Variants in ITPA observed in about 807,000 individuals in gnomAD.
The protein encoded by ITPA is inosine triphosphate pyrophosphatase.
A neutral mutation model predicts 29.6 loss-of-function variants in ITPA; 29 were observed. That is an observed-to-expected ratio of 0.98 (90% CI 0.73 to 1.34). The LOEUF is 1.34. ITPA is among the 40% of genes most tolerant of loss of function. The pLI is 0.00. For synonymous variants in ITPA, 103 were observed against 99.3 expected, an observed-to-expected ratio of 1.04 and a Z score of -0.22; for missense variants, 241 against 251.5, an observed-to-expected ratio of 0.96 and a Z score of 0.28.
chr20:3,218,654 G>T (rs1449915130), intron 6 of ITPA, 22 bp downstream of exon 6: 1 of 1,578,932 alleles, frequency 6.3e-7, no homozygotes, highest in African/African-American at 1.3e-5. Flanking sequence ...CCTTGATGCA[G>T]TTCCCGCCGC....
At chr20:3,224,873 G>T (rs6051654), downstream of ITPA, among the ~76,000 whole-genome samples, 36 of 152,260 alleles carry the variant, frequency 2.4e-4, 1 homozygote, top group African/African-American at 8.7e-4. Flanking sequence ...ACACTTTCTG[G>T]CCATTTTTTT....
At chr20:3,218,381 C>T (rs2067365736) in intron 5 of ITPA, 136 bp from the exon 6 acceptor site, 3 of 716,164 alleles carry the variant, frequency 4.2e-6, no homozygotes, top group South Asian at 3.0e-5. Context: ...TGGGCTCTGC[C>T]GCCCCCGCTA....
At chr20:3,221,675 T>C in intron 6 of ITPA, 166 bp from the exon 7 acceptor site, 1 of 698,964 alleles carries the variant, frequency 1.4e-6, no homozygotes, top group Non-Finnish European at 2.6e-6. Flanking sequence ...TGCTTTTTAT[T>C]GTATTCAGCA....
chr20:3,219,746 CA>C (rs34376287), intron 6 of ITPA, among the ~76,000 whole-genome samples: 2,592 of 115,120 alleles, frequency 0.023, 35 homozygotes, highest in Non-Finnish European at 0.032. Flanking sequence ...ACTCCGTCTC[CA>C]AAAAAAAAAA....
chr20:3,225,386 G>A (rs950312881), downstream of ITPA, among the ~76,000 whole-genome samples: 12 of 152,226 alleles, frequency 7.9e-5, no homozygotes, highest in Admixed American at 2.6e-4. Flanking sequence ...TCCACCCCCC[G>A]CCACACCTCC....
intron 4 of ITPA, 81 bp downstream of exon 4, chr20:3,214,139 G>T: frequency 1.7e-6 from 2 of 1,173,270 alleles, no homozygotes; most frequent in Admixed American, 3.5e-5. Context: ...ACCTGATACT[G>T]CAGGTCATTC....
Position 3,218,502 on chromosome 20 carries a change from A to G in ITPA, c.296-15A>G, listed in dbSNP as rs376533833. 2 of 1,597,338 alleles carry G rather than the reference A, an allele frequency of 1.3e-6. No individual in the cohort carries two copies. The highest frequency in any genetic ancestry group is 1.7e-6 in the Non-Finnish European group (2 of 1,165,160). On this transcript the variant is annotated splice_polypyrimidine_tract_variant and intron_variant, in intron 5 of 7. Transcript: ENST00000380113. ...GCCATTAGGGATGCACTGAGCCCTCACTGCCCACCCGCAGGTCTCCACCAG... is the reference window on the plus strand; with the variant it reads ...GCCATTAGGGATGCACTGAGCCCTCGCTGCCCACCCGCAGGTCTCCACCAG...
chr20:3,204,444 C>G, upstream of ITPA: 5 of 1,333,748 alleles, frequency 3.7e-6, no homozygotes, highest in Non-Finnish European at 5.1e-6. Flanking sequence ...CGCCCAGGTG[C>G]GCACGCGCAG....
chr20:3,223,375 G>A lies in ITPA; in HGVS notation c.498G>A (p.Glu166=). Residue 166 remains glutamate, a synonymous_variant, in exon 8 of 8, where the codon GAG becomes GAA. Coordinates refer to ENST00000380113, the MANE Select transcript of ITPA (RefSeq NM_033453.4). ...TACTGTCACCCCTCAGGTACGCAGA[G>A]ATGCCTAAGGCGGAGAAGAACGCTG... ...QPDGYEQTYA[E]MPKAEKNAVS... The A allele has an allele frequency of 6.2e-7, 1 of 1,613,470 alleles. No homozygotes were observed. The highest frequency in any genetic ancestry group is 1.3e-5 in the African/African-American group (1 of 75,058).
chr20:3,208,818 G>A (rs1407008460), upstream of ITPA: 1 of 153,360 alleles, frequency 6.5e-6, no homozygotes, highest in African/African-American at 2.4e-5. Context: ...AGTCTCTGGA[G>A]GAGGGAGGTC....
At chr20:3,210,469 T>TG (rs1326096730) in intron 1 of ITPA, among the ~76,000 whole-genome samples, 2 of 151,814 alleles carry the variant, frequency 1.3e-5, no homozygotes, top group African/African-American at 4.8e-5. Context: ...AGCCATGGAG[T>TG]GGGGGTCATG....
intron 6 of ITPA, among the ~76,000 whole-genome samples, chr20:3,219,786 C>G (rs1424385161): frequency 6.6e-6 from 1 of 150,426 alleles, no homozygotes; most frequent in Non-Finnish European, 1.5e-5. Flanking sequence ...GAGGCTCACA[C>G]ATGTAATCCC....
rs1164738031 is a variant in ITPA, at chr20:3,209,502, C to G, written c.-50C>G. 1.9e-6 allele frequency: 3 copies of G among 1,560,370 alleles called. No individual in the cohort carries two copies. The highest frequency in any genetic ancestry group is 2.7e-6 in the Non-Finnish European group (3 of 1,132,012). On this transcript the variant is annotated 5_prime_UTR_variant, in exon 1 of 8. Coordinates refer to ENST00000380113, the MANE Select transcript of ITPA (RefSeq NM_033453.4). The surrounding 1 kb of genome is among the most constrained non-coding windows in gnomAD (Gnocchi z 4.6). ...GCCACCAGCCGGAAGTTTTCTGTCA[C>G]TGGACGCCAAGGAGTTTTCGGTGGC...
At chr20:3,221,184 G>A (rs146433199) in intron 6 of ITPA, among the ~76,000 whole-genome samples, 2,415 of 151,414 alleles carry the variant, frequency 0.016, 47 homozygotes, top group African/African-American at 0.055. Flanking sequence ...GAGCCACCGC[G>A]CCTGGCCAGA....
At chr20:3,216,505 G>A (rs1394403299) in intron 5 of ITPA, among the ~76,000 whole-genome samples, 3 of 147,658 alleles carry the variant, frequency 2.0e-5, no homozygotes, top group Non-Finnish European at 3.0e-5. Context: ...CCAGGCTGGA[G>A]CGCAATGGCA....
intron 1 of ITPA, among the ~76,000 whole-genome samples, chr20:3,211,401 A>G (rs2067170612): frequency 6.6e-6 from 1 of 151,978 alleles, no homozygotes; most frequent in African/African-American, 2.4e-5. Context: ...CCTGACCTCA[A>G]GTGATCCACC....
At chr20:3,211,783 T>C (rs1568508604) in intron 1 of ITPA, among the ~76,000 whole-genome samples, 1 of 152,162 alleles carries the variant, frequency 6.6e-6, no homozygotes, top group Non-Finnish European at 1.5e-5. Flanking sequence ...TGAGCCACCG[T>C]GCCTGGCCGA....
Position 3,209,712 on chromosome 20 carries a change from G to A in ITPA, c.66+95G>A. 1 of 1,016,096 alleles carries A rather than the reference G, an allele frequency of 9.8e-7. No individual in the cohort carries two copies. Among genetic ancestry groups the A allele is most frequent in the Non-Finnish European group, 1.5e-6 (1 of 658,148 alleles). 62.9% of individuals were successfully genotyped at this position (1,016,096 alleles called of 1,614,324 possible). On this transcript the variant is annotated intron_variant, in intron 1 of 7. Coordinates refer to ENST00000380113, the MANE Select transcript of ITPA (RefSeq NM_033453.4). This position sits in a 1 kb window ranked among gnomAD's most constrained non-coding sequence, Gnocchi z 4.6. The stretch of plus-strand genomic sequence containing the variant: ...GAGGGAAGCACGTGGGAGGAGGCAT[G>A]GAGAGAGAACAGAATTCAGCCCGGA...
intron 6 of ITPA, among the ~76,000 whole-genome samples, chr20:3,219,290 TC>T: frequency 7.8e-6 from 1 of 128,912 alleles, no homozygotes; most frequent in East Asian, 2.7e-4. Context: ...CACTGCAACC[TC>T]CGCCTCCAGG....
Sources: gnomAD v4.1 joint callset for allele counts (sites outside exome capture counted in the v4.1 genomes callset) on GRCh38, gnomAD v4.1.1 for gene constraint, Gnocchi (gnomAD v3.1) non-coding constraint, MANE v1.5 for transcripts, NCBI Gene and HGNC (gene_info 2026-07-23, HGNC 2026-07-21) for gene names.